The following TMTC2 variants were observed in gnomAD, a reference collection of about 807,000 sequenced individuals.
TMTC2 encodes protein O-mannosyl-transferase TMTC2.
A neutral mutation model predicts 82.4 loss-of-function variants in TMTC2; 43 were observed. The ratio of observed to expected loss-of-function variants is 0.52; its 90% CI spans 0.41 to 0.67. The LOEUF (loss-of-function observed/expected upper bound fraction) is 0.67. Among genes scored for constraint, TMTC2 ranks in the 30% least tolerant of loss-of-function variants. The pLI is 0.00. For synonymous variants in TMTC2, 408 were observed against 381.9 expected, an observed-to-expected ratio of 1.07 and a Z score of -0.80; for missense variants, 919 against 1,012.4, an observed-to-expected ratio of 0.91 and a Z score of 1.25.
At position 83,091,621 on chromosome 12, in the gene TMTC2, C is replaced by T. The variant is rs372074896; in HGVS notation, c.2331+29790C>T. Among the ~76,000 whole-genome samples the T allele has an allele frequency of 2.3e-4, 35 of 152,320 alleles. 1 individual carries two copies. In the East Asian group the frequency reaches 2.3e-3, roughly 10 times the overall value. On this transcript the variant is annotated intron_variant, in intron 11 of 11. Coordinates refer to ENST00000321196, the MANE Select transcript of TMTC2 (RefSeq NM_152588.3). ...GTTTCAAGTTACATCTTTTTGGCTA[C>T]TACTGTGGTAATAACAGGTATTTTC... is the stretch of plus-strand genomic sequence containing the variant.
At chr12:82,927,794 G>A (rs376846763) in intron 3 of TMTC2, among the ~76,000 whole-genome samples, 1 of 152,074 alleles carries the variant, frequency 6.6e-6, no homozygotes, top group Admixed American at 6.6e-5. Flanking sequence ...ACTCACCAAG[G>A]GCTCAGATGA....
At chr12:82,931,276 T>C (rs1459521968) in intron 4 of TMTC2, among the ~76,000 whole-genome samples, 1 of 152,078 alleles carries the variant, frequency 6.6e-6, no homozygotes, top group African/African-American at 2.4e-5. Flanking sequence ...ATATATAGAA[T>C]ATGTGCTATA....
chr12:83,101,748 T>C (rs534093419), intron 11 of TMTC2, among the ~76,000 whole-genome samples: 16 of 152,304 alleles, frequency 1.1e-4, no homozygotes, highest in African/African-American at 3.8e-4. Flanking sequence ...TGGATCAATA[T>C]GGGGATCAGT....
intron 9 of TMTC2, among the ~76,000 whole-genome samples, chr12:83,034,205 A>G (rs1361063562): frequency 6.6e-6 from 1 of 152,152 alleles, no homozygotes; most frequent in African/African-American, 2.4e-5. Context: ...ATGAGGTAGG[A>G]AGTTGGATAC....
intron 2 of TMTC2, among the ~76,000 whole-genome samples, chr12:82,859,470 G>A (rs1871422515): frequency 6.6e-6 from 1 of 152,144 alleles, no homozygotes; most frequent in Admixed American, 6.5e-5. Flanking sequence ...AGTTCTCTGA[G>A]AAATTTACAG....
At chr12:83,078,199 C>T (rs1037606113) in intron 11 of TMTC2, among the ~76,000 whole-genome samples, 5 of 151,974 alleles carry the variant, frequency 3.3e-5, no homozygotes, top group African/African-American at 9.7e-5. Flanking sequence ...ATAATTTTTG[C>T]GGCAACTGAA....
At chr12:83,105,620 C>A (rs1444767606) in intron 11 of TMTC2, among the ~76,000 whole-genome samples, 1 of 152,186 alleles carries the variant, frequency 6.6e-6, no homozygotes, top group Non-Finnish European at 1.5e-5. Flanking sequence ...ACAAAGACAA[C>A]ACCAAGCCAT....
chr12:82,943,041 G>T (rs1480292224), intron 4 of TMTC2, among the ~76,000 whole-genome samples: 1 of 152,144 alleles, frequency 6.6e-6, no homozygotes, highest in Non-Finnish European at 1.5e-5. Context: ...GTGCTTGGTT[G>T]CCTGGGGTGA....
rs1879686516 is a variant in TMTC2 at position 82,997,352 on chromosome 12, A to ATATATATGTGTATATATATATGTGTG, written c.2070+11313_2070+11314insGTGTATATATATATGTGTGTATATAT. Among the ~76,000 whole-genome samples, 5 of 21,464 alleles carry ATATATATGTGTATATATATATGTGTG rather than the reference A, an allele frequency of 2.3e-4. No individual in the cohort carries two copies. The East Asian group carries it at 6.1e-3, about 26-fold the overall frequency. 14.1% of individuals were successfully genotyped at this position (21,464 alleles called of 152,430 possible). A position where few individuals can be genotyped will look rare whatever the true frequency, so the allele number is the denominator to read the frequency against. ...TGTGTGTGTGTGTGTGTGTGTGTATATATATATATATATGTGTATATATAT... is the reference window on the plus strand; with the variant it reads ...TGTGTGTGTGTGTGTGTGTGTGTATATATATATGTGTATATATATATGTGTGTATATATATATATGTGTATATATAT... On this transcript the variant is annotated intron_variant, in intron 8 of 11. Transcript: ENST00000321196.
In TMTC2 at chr12:82,895,832, G is replaced by A. The variant is rs185249725; in HGVS notation, c.669G>A (p.Ser223=). The change falls in exon 3 of 12, where the codon TCG becomes TCA. Residue 223 remains serine (S), a synonymous_variant. Coordinates refer to ENST00000321196, the MANE Select transcript of TMTC2 (RefSeq NM_152588.3). ...TTTGGTTTCAGAGGAAGAACTTGTC[G>A]CTTTTCCTAAGCATTAGTTTGTTAA... ...LPTIYKRKNL[S]LFLSISLLIF... The A allele has an allele frequency of 4.2e-5, 68 of 1,605,156 alleles. No individual in the cohort carries two copies. The highest frequency in any genetic ancestry group is 2.9e-4 in the South Asian group (26 of 90,310).
intron 1 of TMTC2, among the ~76,000 whole-genome samples, chr12:82,724,539 G>T (rs1230586948): frequency 6.6e-6 from 1 of 152,080 alleles, no homozygotes; most frequent in Non-Finnish European, 1.5e-5. Flanking sequence ...GAAGGTGCTT[G>T]CCTCTTCACC....
intron 8 of TMTC2, among the ~76,000 whole-genome samples, chr12:82,989,842 T>TC (rs1184265854): frequency 6.6e-6 from 1 of 151,278 alleles, no homozygotes; most frequent in African/African-American, 2.4e-5. Flanking sequence ...AAATTTTTAA[T>TC]CCCCCCCACC....
At chr12:82,739,188 ATACATGCT>A (rs1875274126) in intron 1 of TMTC2, among the ~76,000 whole-genome samples, 1 of 151,742 alleles carries the variant, frequency 6.6e-6, no homozygotes, top group African/African-American at 2.4e-5. Flanking sequence ...AATATGTTTG[ATACATGCT>A]TATTCTATGA....
chr12:83,110,526 T>A (rs777955094), intron 11 of TMTC2, among the ~76,000 whole-genome samples: 2 of 152,214 alleles, frequency 1.3e-5, no homozygotes, highest in Non-Finnish European at 2.9e-5. Context: ...AAACTGCTCT[T>A]ATCAAAGTTA....
intron 7 of TMTC2, among the ~76,000 whole-genome samples, chr12:82,978,128 A>G (rs558784543): frequency 1.5e-4 from 23 of 151,770 alleles, no homozygotes; most frequent in Admixed American, 1.3e-4. Context: ...TTATAATTAG[A>G]AAACAGAGTT....
chr12:82,964,082 C>T (rs1410067290), intron 4 of TMTC2, among the ~76,000 whole-genome samples: 6 of 151,540 alleles, frequency 4.0e-5, no homozygotes, highest in Non-Finnish European at 7.4e-5. Flanking sequence ...CTTTCACAGA[C>T]CTCAGCAGCT....
intron 11 of TMTC2, among the ~76,000 whole-genome samples, chr12:83,103,520 C>T (rs543295050): frequency 7.2e-5 from 11 of 152,132 alleles, no homozygotes; most frequent in Admixed American, 2.0e-4. Flanking sequence ...ATGCCTCACA[C>T]TTAAACAACC....
chr12:82,928,174 A>G (rs1465500727), intron 3 of TMTC2, among the ~76,000 whole-genome samples: 1 of 152,004 alleles, frequency 6.6e-6, no homozygotes, highest in Non-Finnish European at 1.5e-5. Context: ...TTAATCATCT[A>G]TATTCTAAGA....
chr12:82,965,735 A>G lies in TMTC2; in HGVS notation c.1860A>G (p.Gly620=). The change falls in exon 6 of 12, where the codon GGA becomes GGG. Residue 620 remains glycine, a synonymous_variant. Coordinates refer to ENST00000321196, the MANE Select transcript of TMTC2 (RefSeq NM_152588.3). ...TAGGAAAGCTGTATCATGAGCAGGG[A>G]CACTATGAGGTCTGGCCAATGCCTC... ...YNLGKLYHEQ[G]HYEEALSVYK... The G allele has an allele frequency of 6.2e-7, 1 of 1,613,728 alleles. No individual in the cohort carries two copies. The highest frequency in any genetic ancestry group is 1.1e-5 in the South Asian group (1 of 91,058).
Sources: gnomAD v4.1 joint callset for allele counts (sites outside exome capture counted in the v4.1 genomes callset) on GRCh38, gnomAD v4.1.1 for gene constraint, MANE v1.5 for transcripts, NCBI Gene and HGNC (gene_info 2026-07-23, HGNC 2026-07-21) for gene names.